Variants in ADH1C observed in about 807,000 individuals in gnomAD.
The protein encoded by ADH1C is alcohol dehydrogenase 1C.
Under a neutral mutation model 35.0 loss-of-function variants are expected in ADH1C, and 26 were observed. That is an observed-to-expected ratio of 0.74 (90% CI 0.54 to 1.03). ADH1C has a LOEUF of 1.03. Among genes scored for constraint, ADH1C ranks in the 50% least tolerant of loss-of-function variants. ADH1C has a pLI of 0.00. For missense variants in ADH1C, 413 were observed against 465.4 expected, an observed-to-expected ratio of 0.89 and a Z score of 1.04; for synonymous variants, 170 against 169.3, an observed-to-expected ratio of 1.00 and a Z score of -0.03.
chr4:99,352,379 A>G (rs913623511), intron 1 of ADH1C, among the ~76,000 whole-genome samples: 9 of 152,334 alleles, frequency 5.9e-5, no homozygotes, highest in African/African-American at 9.6e-5. Context: ...TATTTAATGT[A>G]GGAAATAAAG....
At chr4:99,351,702 A>C (rs1162077123) in intron 1 of ADH1C, among the ~76,000 whole-genome samples, 1 of 152,238 alleles carries the variant, frequency 6.6e-6, no homozygotes, top group Non-Finnish European at 1.5e-5. Flanking sequence ...TTTGTCGCAC[A>C]GCATAAAGGT....
At chr4:99,347,959 A>G in intron 1 of ADH1C, 113 bp from the exon 2 acceptor site, 1 of 1,185,846 alleles carries the variant, frequency 8.4e-7, no homozygotes, top group Non-Finnish European at 1.2e-6. Flanking sequence ...GCACCTAACA[A>G]GTGTTGCATA....
rs752231216 is a variant in ADH1C, at chr4:99,345,167, T to C, written c.347+12A>G. ...ACTCAAAGTCTGTGCAAAGAAAGCA[T>C]CAGAAACTTACTCATTTTTCAAGCA... On this transcript the variant is annotated intron_variant, in intron 4 of 8. Coordinates refer to ENST00000515683, the MANE Select transcript of ADH1C (RefSeq NM_000669.5). The C allele has an allele frequency of 2.9e-5, 46 of 1,613,632 alleles. No homozygotes were observed. The Middle Eastern group carries it at 4.9e-4, about 17-fold the overall frequency.
intron 1 of ADH1C, among the ~76,000 whole-genome samples, chr4:99,349,096 T>C (rs1457926869): frequency 7.0e-6 from 1 of 142,614 alleles, no homozygotes; most frequent in East Asian, 2.0e-4. Flanking sequence ...ACTCTGATGG[T>C]AGTTTCTTTT....
intron 1 of ADH1C, among the ~76,000 whole-genome samples, chr4:99,348,541 G>A (rs1187240946): frequency 1.3e-5 from 2 of 150,532 alleles, no homozygotes; most frequent in Non-Finnish European, 3.0e-5. Flanking sequence ...GGACATTTGG[G>A]TTGGTTCCAA....
At chr4:99,339,196 T>C (rs1320137619) in intron 8 of ADH1C, among the ~76,000 whole-genome samples, 1 of 152,160 alleles carries the variant, frequency 6.6e-6, no homozygotes, top group Admixed American at 6.5e-5. Flanking sequence ...TCATTAGATG[T>C]CACACTTACT....
chr4:99,341,447 T>C (rs1734413674), intron 6 of ADH1C, among the ~76,000 whole-genome samples: 1 of 152,126 alleles, frequency 6.6e-6, no homozygotes, highest in Non-Finnish European at 1.5e-5. Flanking sequence ...CTGTCAGACA[T>C]TTGGTGTCTT....
chr4:99,342,664 AAC>A, intron 6 of ADH1C, 129 bp downstream of exon 6: 1 of 1,425,976 alleles, frequency 7.0e-7, no homozygotes, highest in Admixed American at 2.1e-5. Flanking sequence ...CAAGCCAGGT[AAC>A]AAAAAGATGA....
At chr4:99,337,246 G>A (rs1470402917) in intron 8 of ADH1C, among the ~76,000 whole-genome samples, 9 of 151,900 alleles carry the variant, frequency 5.9e-5, no homozygotes, top group Admixed American at 5.9e-4. Context: ...GACTTAGAAA[G>A]ATTTGTAATT....
intron 3 of ADH1C, among the ~76,000 whole-genome samples, chr4:99,345,688 T>C (rs1023998179): frequency 5.3e-5 from 8 of 152,228 alleles, no homozygotes; most frequent in African/African-American, 1.9e-4. Flanking sequence ...GTTGGGAAGA[T>C]CTGGTATTTT....
chr4:99,337,994 G>A (rs941840011), intron 8 of ADH1C, among the ~76,000 whole-genome samples: 1 of 151,862 alleles, frequency 6.6e-6, no homozygotes, highest in African/African-American at 2.4e-5. Context: ...GTATGTTTGA[G>A]TTGATTATTT....
intron 8 of ADH1C, among the ~76,000 whole-genome samples, chr4:99,337,104 A>T (rs1033886672): frequency 1.3e-5 from 2 of 152,238 alleles, no homozygotes; most frequent in Non-Finnish European, 2.9e-5. Flanking sequence ...ATAACAATAG[A>T]TAATAACATG....
chr4:99,338,016 A>G (rs937234613), intron 8 of ADH1C, among the ~76,000 whole-genome samples: 2 of 151,938 alleles, frequency 1.3e-5, no homozygotes, highest in African/African-American at 4.8e-5. Flanking sequence ...TATAGAATAG[A>G]TTTCTAGAAA....
chr4:99,336,795 G>T lies in ADH1C; in HGVS notation c.1104-19C>A. 6.2e-7 allele frequency: 1 copy of T among 1,613,592 alleles called. No individual in the cohort carries two copies. Among genetic ancestry groups the T allele is most frequent in the Admixed American group, 1.7e-5 (1 of 59,946 alleles). ...ACGGATACTGCAATAGGAAAGAAGA[G>T]ACATTGTGTTAACATTTAGACAACC... is the stretch of plus-strand genomic sequence containing the variant. On this transcript the variant is annotated intron_variant, in intron 8 of 8. Transcript: ENST00000515683.
intron 1 of ADH1C, among the ~76,000 whole-genome samples, chr4:99,350,444 T>C (rs1352650870): frequency 6.6e-6 from 1 of 152,064 alleles, no homozygotes; most frequent in African/African-American, 2.4e-5. Flanking sequence ...TCTTATGCCT[T>C]TGTATCCTCA....
chr4:99,342,649 T>C, intron 6 of ADH1C, 146 bp downstream of exon 6: 1 of 1,350,316 alleles, frequency 7.4e-7, no homozygotes, highest in Non-Finnish European at 1.0e-6. Context: ...TAACAATAAA[T>C]TAAACAAGCC....
At chr4:99,351,471 AT>A (rs1320109609) in intron 1 of ADH1C, among the ~76,000 whole-genome samples, 2 of 152,220 alleles carry the variant, frequency 1.3e-5, no homozygotes, top group African/African-American at 2.4e-5. Flanking sequence ...TATTATTTTC[AT>A]TAATGATTGG....
intron 1 of ADH1C, among the ~76,000 whole-genome samples, chr4:99,348,322 T>C (rs1335785256): frequency 2.1e-5 from 3 of 141,508 alleles, no homozygotes; most frequent in Admixed American, 7.5e-5. Flanking sequence ...TTCCCCTTCC[T>C]GTGTCCATGT....
chr4:99,336,901 C>A, intron 8 of ADH1C, 125 bp from the exon 9 acceptor site: 1 of 1,308,926 alleles, frequency 7.6e-7, no homozygotes, highest in African/African-American at 1.5e-5. Context: ...CACTCCCTTC[C>A]CATCCCTATG....
Sources: gnomAD v4.1 joint callset for allele counts (sites outside exome capture counted in the v4.1 genomes callset) on GRCh38, gnomAD v4.1.1 for gene constraint, MANE v1.5 for transcripts, NCBI Gene and HGNC (gene_info 2026-07-23, HGNC 2026-07-21) for gene names.